The following ARPP21 variants were observed in gnomAD, a reference collection of about 807,000 sequenced individuals.
ARPP21 encodes the protein cAMP-regulated phosphoprotein 21.
In ARPP21, 69 loss-of-function variants were observed where a neutral mutation model predicts 113.2. The ratio of observed to expected loss-of-function variants is 0.61; its 90% CI spans 0.50 to 0.74. The LOEUF is 0.74. Ranked by LOEUF, ARPP21 falls within the 30% of genes least tolerant of loss-of-function variation. The pLI is 0.00. For missense variants in ARPP21, 1,070 were observed against 1,037.4 expected (o/e 1.03, Z -0.43); for synonymous variants, 368 against 375.5 (o/e 0.98, Z 0.23).
intron 19 of ARPP21, among the ~76,000 whole-genome samples, chr3:35,754,932 C>G (rs757247914): frequency 6.6e-6 from 1 of 151,290 alleles, no homozygotes; most frequent in African/African-American, 2.4e-5. Context: ...AGTCGTTTGG[C>G]GAAAACAGAA....
chr3:35,752,038 G>A (rs2095421838), intron 19 of ARPP21, among the ~76,000 whole-genome samples: 1 of 152,126 alleles, frequency 6.6e-6, no homozygotes, highest in African/African-American at 2.4e-5. Context: ...CCCAGATAGA[G>A]AAGGTGGAAA....
intron 4 of ARPP21, 35 bp downstream of exon 4, chr3:35,682,924 C>T: frequency 1.3e-6 from 2 of 1,546,562 alleles, no homozygotes; most frequent in Non-Finnish European, 1.8e-6. Flanking sequence ...GACCTGATAT[C>T]ATGGGTATAA....
rs116762991 is a variant in ARPP21 at position 35,784,442 on chromosome 3, T to C, written c.2138-7940T>C. On this transcript the variant is annotated intron_variant, in intron 19 of 20. Transcript: ENST00000684406. ...GCTTTTGTTTTTCAGAGAGACAGTTTTCCAGCAGACTACTGATATTCATGA... is the reference window on the plus strand; with the variant it reads ...GCTTTTGTTTTTCAGAGAGACAGTTCTCCAGCAGACTACTGATATTCATGA... Among the ~76,000 whole-genome samples the C allele has an allele frequency of 7.8e-3, 1,187 of 152,298 alleles. 18 individuals are homozygous for C. The highest frequency in any genetic ancestry group is 0.026 in the African/African-American group (1,079 of 41,562).
At chr3:35,724,085 C>A (rs148642621) in intron 14 of ARPP21, among the ~76,000 whole-genome samples, 2 of 152,184 alleles carry the variant, frequency 1.3e-5, no homozygotes, top group African/African-American at 4.8e-5. Context: ...TCTTCTCCTC[C>A]TCTAATTACA....
intron 1 of ARPP21, among the ~76,000 whole-genome samples, chr3:35,675,201 C>CTTTTTTTTTTTTTTTTTTTTTTTTTTTG (rs1559570072): frequency 4.6e-5 from 7 of 151,420 alleles, no homozygotes; most frequent in African/African-American, 1.7e-4. Flanking sequence ...CACCACCTTT[C>CTTTTTTTTTTTTTTTTTTTTTTTTTTTG]ATGTGGGTAA....
At chr3:35,771,231 T>C (rs1272005753) in intron 19 of ARPP21, among the ~76,000 whole-genome samples, 1 of 152,184 alleles carries the variant, frequency 6.6e-6, no homozygotes. Flanking sequence ...TCCTGACCTC[T>C]GGGCACATTG....
At chr3:35,725,022 G>T (rs547594570) in intron 14 of ARPP21, among the ~76,000 whole-genome samples, 2 of 152,326 alleles carry the variant, frequency 1.3e-5, no homozygotes, top group South Asian at 2.1e-4. Flanking sequence ...CAGGGATCAA[G>T]ACTATGATCT....
intron 15 of ARPP21, among the ~76,000 whole-genome samples, chr3:35,731,674 G>A (rs1215592062): frequency 6.6e-6 from 1 of 152,064 alleles, no homozygotes; most frequent in Admixed American, 6.5e-5. Context: ...TGATGTACGT[G>A]TATCTACCTA....
At chr3:35,709,699 A>G (rs1334124273) in intron 11 of ARPP21, among the ~76,000 whole-genome samples, 1 of 152,216 alleles carries the variant, frequency 6.6e-6, no homozygotes, top group Non-Finnish European at 1.5e-5. Context: ...ATTAAACATT[A>G]AAAGGTAAAA....
chr3:35,735,143 A>G (rs1298523929), intron 15 of ARPP21, among the ~76,000 whole-genome samples: 2 of 152,066 alleles, frequency 1.3e-5, no homozygotes, highest in Non-Finnish European at 2.9e-5. Flanking sequence ...TTTTTAAGAC[A>G]GGGTCTCACT....
chr3:35,660,422 C>T (rs1052025760), intron 1 of ARPP21, among the ~76,000 whole-genome samples: 4 of 152,186 alleles, frequency 2.6e-5, no homozygotes, highest in Admixed American at 6.5e-5. Flanking sequence ...TCTTACTCTG[C>T]TTCCACCCCC....
At chr3:35,717,251 A>G (rs2092539630) in intron 12 of ARPP21, 47 bp from the exon 13 acceptor site, 1 of 1,089,694 alleles carries the variant, frequency 9.2e-7, no homozygotes, top group South Asian at 1.3e-5. Context: ...CAAGGCATTT[A>G]GTACCCTTAG....
At chr3:35,644,590 G>A (rs975618971) in intron 1 of ARPP21, among the ~76,000 whole-genome samples, 2 of 151,782 alleles carry the variant, frequency 1.3e-5, no homozygotes, top group African/African-American at 2.4e-5. Context: ...TAAACTTACC[G>A]AGACATATCT....
chr3:35,707,463 G>T, intron 10 of ARPP21: 1 of 471,202 alleles, frequency 2.1e-6, no homozygotes, highest in Non-Finnish European at 4.2e-6. Context: ...TTGTCCTTCA[G>T]TTGTGCACAA....
intron 9 of ARPP21, among the ~76,000 whole-genome samples, chr3:35,696,961 CTCT>C (rs1188785487): frequency 1.3e-5 from 2 of 151,616 alleles, no homozygotes; most frequent in Non-Finnish European, 3.0e-5. Flanking sequence ...TTTAACCTTC[CTCT>C]TCTTCATCCC....
chr3:35,682,211 T>C (rs934553961), intron 3 of ARPP21, among the ~76,000 whole-genome samples: 1 of 151,804 alleles, frequency 6.6e-6, no homozygotes, highest in Non-Finnish European at 1.5e-5. Flanking sequence ...TAAAAATGAA[T>C]TTGCTATTCT....
At chr3:35,699,325 G>A (rs991124705) in intron 9 of ARPP21, among the ~76,000 whole-genome samples, 1 of 151,496 alleles carries the variant, frequency 6.6e-6, no homozygotes, top group Non-Finnish European at 1.5e-5. Context: ...GTACCTGAGG[G>A]TTTCCCTTGT....
At chr3:35,687,595 T>G (rs1056248120) in intron 5 of ARPP21, 144 bp from the exon 6 acceptor site, 27 of 645,272 alleles carry the variant, frequency 4.2e-5, no homozygotes, top group Non-Finnish European at 4.6e-5. Flanking sequence ...ATTAATTTCC[T>G]GACAGGTTTA....
At chr3:35,768,909 A>G (rs1343023213) in intron 19 of ARPP21, among the ~76,000 whole-genome samples, 1 of 152,230 alleles carries the variant, frequency 6.6e-6, no homozygotes, top group Non-Finnish European at 1.5e-5. Flanking sequence ...TAGAAATGTT[A>G]TATGTTACAG....
Sources: gnomAD v4.1 joint callset for allele counts (sites outside exome capture counted in the v4.1 genomes callset) on GRCh38, gnomAD v4.1.1 for gene constraint, MANE v1.5 for transcripts, NCBI Gene and HGNC (gene_info 2026-07-23, HGNC 2026-07-21) for gene names.